ERC2: variants seen among roughly 807,000 people sequenced by gnomAD.
ERC2 encodes ELKS/RAB6-interacting/CAST family member 2.
A neutral mutation model predicts 114.8 loss-of-function variants in ERC2; 42 were observed. The ratio of observed to expected loss-of-function variants is 0.37; its 90% CI spans 0.29 to 0.47. The LOEUF (loss-of-function observed/expected upper bound fraction) is 0.47. ERC2 is among the 20% of genes least tolerant of loss of function. The pLI is 0.99. For synonymous variants in ERC2, 454 were observed against 425.5 expected (o/e 1.07, Z -0.82); for missense variants, 939 against 1,150.7 (o/e 0.82, Z 2.66).
intron 7 of ERC2, among the ~76,000 whole-genome samples, chr3:56,046,764 C>A (rs2149674745): frequency 6.6e-6 from 1 of 152,264 alleles, no homozygotes; most frequent in South Asian, 2.1e-4. Flanking sequence ...AGCAGTCACC[C>A]TGTAGGCCTG....
intron 14 of ERC2, among the ~76,000 whole-genome samples, chr3:55,834,151 A>G (rs1575768821): frequency 6.6e-6 from 1 of 152,232 alleles, no homozygotes; most frequent in East Asian, 1.9e-4. Context: ...ACTCCCACAC[A>G]TTAATAATGG....
At position 55,559,491 on chromosome 3, in the gene ERC2, G is replaced by T. The variant is rs144451105; in HGVS notation, c.*40-48215C>A. On this transcript the variant is annotated intron_variant, in intron 17 of 17. Coordinates refer to ENST00000288221, the MANE Select transcript of ERC2 (RefSeq NM_015576.3). ...TAGCTATCTGTTTAGCAACTAAGTTGTTGGTTTCCACCATGCTACAAATCA... is the reference window on the plus strand; with the variant it reads ...TAGCTATCTGTTTAGCAACTAAGTTTTTGGTTTCCACCATGCTACAAATCA... Among the ~76,000 whole-genome samples the T allele has an allele frequency of 3.6e-4, 55 of 152,338 alleles. 1 individual carries two copies. The highest frequency in any genetic ancestry group is 1.2e-3 in the African/African-American group (51 of 41,574).
chr3:56,166,353 G>C (rs2082325922), intron 4 of ERC2, among the ~76,000 whole-genome samples: 1 of 151,872 alleles, frequency 6.6e-6, no homozygotes, highest in Non-Finnish European at 1.5e-5. Context: ...TATTTGCTGG[G>C]TATGAATATC....
intron 17 of ERC2, among the ~76,000 whole-genome samples, chr3:55,674,815 C>A (rs781737003): frequency 2.0e-5 from 3 of 152,162 alleles, no homozygotes; most frequent in Admixed American, 6.5e-5. Flanking sequence ...TGGGGACTGG[C>A]AGATTTTAAA....
intron 2 of ERC2, among the ~76,000 whole-genome samples, chr3:56,417,235 C>G (rs1315957987): frequency 6.6e-6 from 1 of 152,192 alleles, no homozygotes; most frequent in Non-Finnish European, 1.5e-5. Context: ...TCTGAGGATT[C>G]AGATAATAGT....
intron 5 of ERC2, among the ~76,000 whole-genome samples, chr3:56,147,355 A>C (rs1301029198): frequency 1.3e-5 from 2 of 152,202 alleles, no homozygotes; most frequent in East Asian, 3.9e-4. Context: ...CAGTCCCCTC[A>C]TATCTCCACT....
chr3:55,837,567 A>T (rs967805715), intron 14 of ERC2, among the ~76,000 whole-genome samples: 22 of 136,138 alleles, frequency 1.6e-4, no homozygotes, highest in African/African-American at 4.6e-4. Flanking sequence ...GATCACATGG[A>T]CACAGGAAGG....
intron 4 of ERC2, among the ~76,000 whole-genome samples, chr3:56,154,032 G>T (rs1411977707): frequency 2.0e-5 from 3 of 152,108 alleles, no homozygotes; most frequent in Non-Finnish European, 4.4e-5. Flanking sequence ...ATTTGAAACT[G>T]TTATTACTGG....
At chr3:55,770,063 C>T (rs1358585654) in intron 14 of ERC2, among the ~76,000 whole-genome samples, 3 of 152,140 alleles carry the variant, frequency 2.0e-5, no homozygotes, top group African/African-American at 4.8e-5. Context: ...GAAAGTAATG[C>T]GTGCAAACTG....
At chr3:55,541,456 G>A (rs1218988422) in intron 17 of ERC2, among the ~76,000 whole-genome samples, 1 of 152,164 alleles carries the variant, frequency 6.6e-6, no homozygotes, top group Non-Finnish European at 1.5e-5. Context: ...CAAGAGCCCT[G>A]GTGGTAGGGT....
At chr3:55,814,886 AC>A (rs953223865) in intron 14 of ERC2, among the ~76,000 whole-genome samples, 7 of 152,078 alleles carry the variant, frequency 4.6e-5, no homozygotes, top group African/African-American at 1.4e-4. Flanking sequence ...TCTGCTCTTT[AC>A]CCCTCTGTCT....
intron 14 of ERC2, among the ~76,000 whole-genome samples, chr3:55,864,515 T>C (rs957538580): frequency 1.3e-5 from 2 of 152,108 alleles, no homozygotes; most frequent in Non-Finnish European, 2.9e-5. Flanking sequence ...TTTACATCCA[T>C]GTGCAGCAAT....
chr3:56,208,065 T>C (rs1442898183), intron 3 of ERC2, among the ~76,000 whole-genome samples: 1 of 152,232 alleles, frequency 6.6e-6, no homozygotes, highest in Non-Finnish European at 1.5e-5. Flanking sequence ...CAAAGTCGAC[T>C]GTAGTAATTT....
chr3:55,811,285 C>T (rs912410344), intron 14 of ERC2, among the ~76,000 whole-genome samples: 3 of 152,070 alleles, frequency 2.0e-5, no homozygotes, highest in Non-Finnish European at 2.9e-5. Flanking sequence ...TTAATTAATC[C>T]CAAACGCAAC....
intron 14 of ERC2, among the ~76,000 whole-genome samples, chr3:55,736,810 C>T (rs528706298): frequency 6.6e-6 from 1 of 152,284 alleles, no homozygotes; most frequent in African/African-American, 2.4e-5. Context: ...TTAAAGTTGC[C>T]TCCTTCAATC....
At chr3:55,584,256 T>C (rs2057478666) in intron 17 of ERC2, among the ~76,000 whole-genome samples, 2 of 152,210 alleles carry the variant, frequency 1.3e-5, no homozygotes, top group Non-Finnish European at 1.5e-5. Context: ...GTACTTTCCC[T>C]TGCAGACTCA....
At chr3:55,543,213 A>G (rs886410300) in intron 17 of ERC2, among the ~76,000 whole-genome samples, 1 of 152,190 alleles carries the variant, frequency 6.6e-6, no homozygotes, top group African/African-American at 2.4e-5. Context: ...GCTGTCTCGG[A>G]TGGGGGCAGC....
intron 14 of ERC2, among the ~76,000 whole-genome samples, chr3:55,854,558 C>G (rs561084642): frequency 2.0e-5 from 3 of 152,266 alleles, no homozygotes; most frequent in Admixed American, 6.5e-5. Flanking sequence ...GACATGGGCC[C>G]TCAGGGAGGC....
chr3:56,221,025 A>G (rs1471631184), intron 3 of ERC2, among the ~76,000 whole-genome samples: 1 of 152,212 alleles, frequency 6.6e-6, no homozygotes, highest in Non-Finnish European at 1.5e-5. Context: ...CATATTTCTA[A>G]GTTAAATATA....
Sources: gnomAD v4.1 joint callset for allele counts (sites outside exome capture counted in the v4.1 genomes callset) on GRCh38, gnomAD v4.1.1 for gene constraint, MANE v1.5 for transcripts, NCBI Gene and HGNC (gene_info 2026-07-23, HGNC 2026-07-21) for gene names.